Variants in XRCC4 observed in about 807,000 individuals in gnomAD.
XRCC4 encodes the protein DNA repair protein XRCC4.
In XRCC4, 28 loss-of-function variants were observed where a neutral mutation model predicts 39.1. The ratio of observed to expected loss-of-function variants is 0.72; its 90% CI spans 0.53 to 0.98. XRCC4 has a LOEUF of 0.98. XRCC4 is among the 50% of genes least tolerant of loss of function. The pLI is 0.00. For missense variants in XRCC4, 350 were observed against 376.4 expected (o/e 0.93, Z 0.58); for synonymous variants, 123 against 126.4 (o/e 0.97, Z 0.18).
chr5:83,176,996 T>C (rs1267378370), intron 3 of XRCC4, among the ~76,000 whole-genome samples: 2 of 152,156 alleles, frequency 1.3e-5, no homozygotes, highest in Non-Finnish European at 2.9e-5. Context: ...AAAATATTTG[T>C]TTCTTAATAT....
chr5:83,136,500 CT>C (rs1747905288), intron 3 of XRCC4, among the ~76,000 whole-genome samples: 1 of 152,056 alleles, frequency 6.6e-6, no homozygotes, highest in African/African-American at 2.4e-5. Flanking sequence ...TTTGGGTTTT[CT>C]TTTGACTATC....
intron 6 of XRCC4, among the ~76,000 whole-genome samples, chr5:83,244,706 G>C (rs1239169980): frequency 6.6e-6 from 1 of 152,024 alleles, no homozygotes; most frequent in Non-Finnish European, 1.5e-5. Context: ...GGTCTGCCTG[G>C]GCTCCACCTA....
chr5:83,235,014 T>C (rs1752633058), intron 6 of XRCC4, among the ~76,000 whole-genome samples: 2 of 151,400 alleles, frequency 1.3e-5, no homozygotes, highest in Non-Finnish European at 2.9e-5. Flanking sequence ...TTATTTTTAT[T>C]GATAGTGGCA....
intron 7 of XRCC4, among the ~76,000 whole-genome samples, chr5:83,314,185 T>C (rs1310101924): frequency 6.6e-6 from 1 of 152,166 alleles, no homozygotes; most frequent in African/African-American, 2.4e-5. Flanking sequence ...TAGGCACTAA[T>C]TTAAAAAAAT....
intron 7 of XRCC4, among the ~76,000 whole-genome samples, chr5:83,303,311 A>G (rs1489060424): frequency 6.6e-6 from 1 of 152,126 alleles, no homozygotes; most frequent in Non-Finnish European, 1.5e-5. Flanking sequence ...TAGCTGTAAA[A>G]TTAAGTGAAA....
the XRCC4 span, among the ~76,000 whole-genome samples, chr5:83,367,380 A>G: frequency 2.0e-3 from 300 of 152,308 alleles, 1 homozygote; most frequent in Middle Eastern, 0.01. Context: ...TAAATATTCA[A>G]AATAAAACCT....
At chr5:83,095,817 G>A (rs1745648514) in intron 1 of XRCC4, among the ~76,000 whole-genome samples, 1 of 152,106 alleles carries the variant, frequency 6.6e-6, no homozygotes, top group South Asian at 2.1e-4. Context: ...TCTGCTGTGG[G>A]ACAGGAGCTG....
intron 1 of XRCC4, among the ~76,000 whole-genome samples, chr5:83,078,165 A>T (rs1318510043): frequency 6.6e-6 from 1 of 152,250 alleles, no homozygotes; most frequent in Non-Finnish European, 1.5e-5. Context: ...TGGCAAGACA[A>T]ATGACAAGGC....
At chr5:83,342,713 T>C (rs920204564) in intron 7 of XRCC4, among the ~76,000 whole-genome samples, 1 of 152,174 alleles carries the variant, frequency 6.6e-6, no homozygotes, top group African/African-American at 2.4e-5. Context: ...CTTCAGTCTG[T>C]TAATTTATTT....
At chr5:83,374,123 C>A in the XRCC4 span, among the ~76,000 whole-genome samples, 1 of 152,242 alleles carries the variant, frequency 6.6e-6, no homozygotes, top group South Asian at 2.1e-4. Flanking sequence ...TGTAAGAGGA[C>A]CCAGAAGAGG....
intron 6 of XRCC4, among the ~76,000 whole-genome samples, chr5:83,248,172 A>G (rs1233011225): frequency 6.6e-6 from 1 of 152,210 alleles, no homozygotes; most frequent in Non-Finnish European, 1.5e-5. Context: ...ACCCAGGAGT[A>G]GAGTGAGAGA....
chr5:83,110,935 A>G, intron 2 of XRCC4, 93 bp from the exon 3 acceptor site: 37 of 1,166,422 alleles, frequency 3.2e-5, no homozygotes, highest in Non-Finnish European at 4.4e-5. Context: ...TTTCTGTTAC[A>G]TGTGATAAAT....
At position 83,248,078 on chromosome 5, in the gene XRCC4, A is replaced by G. The variant is rs534544768; in HGVS notation, c.746-10452A>G. 3.9e-3 allele frequency among the ~76,000 whole-genome samples: 600 copies of G among 151,970 alleles called. 2 individuals are homozygous for G. The highest frequency in any genetic ancestry group is 0.018 in the South Asian group (87 of 4,822). ...GAGACAAGGGTTGGTGAGAGTTACT[A>G]CTCTCACCAACTCAACTCTCAGTTG... On this transcript the variant is annotated intron_variant, in intron 6 of 7. Coordinates refer to ENST00000396027, the MANE Select transcript of XRCC4 (RefSeq NM_003401.5).
intron 7 of XRCC4, among the ~76,000 whole-genome samples, chr5:83,284,815 G>A (rs76006952): frequency 0.032 from 4,891 of 152,018 alleles, 227 homozygotes; most frequent in African/African-American, 0.11. Context: ...ACCTCTTAAA[G>A]TTTTAAGTTA....
chr5:83,159,478 T>G (rs1220817103), intron 3 of XRCC4, among the ~76,000 whole-genome samples: 2 of 152,088 alleles, frequency 1.3e-5, no homozygotes, highest in African/African-American at 4.8e-5. Flanking sequence ...TTTAGGAAAT[T>G]TGATGAATAT....
intron 7 of XRCC4, among the ~76,000 whole-genome samples, chr5:83,261,991 A>G (rs572128400): frequency 2.0e-5 from 3 of 152,266 alleles, no homozygotes; most frequent in Non-Finnish European, 4.4e-5. Flanking sequence ...CTATAAAACA[A>G]AATCATAATA....
intron 7 of XRCC4, among the ~76,000 whole-genome samples, chr5:83,304,105 A>T (rs1486741660): frequency 6.6e-6 from 1 of 152,114 alleles, no homozygotes; most frequent in East Asian, 1.9e-4. Context: ...CTGAAACTGT[A>T]AAAGTAATAC....
chr5:83,373,072 C>T, the XRCC4 span, among the ~76,000 whole-genome samples: 1 of 152,012 alleles, frequency 6.6e-6, no homozygotes, highest in East Asian at 1.9e-4. Context: ...CTTTTGAACA[C>T]TGATAGTCCT....
intron 3 of XRCC4, among the ~76,000 whole-genome samples, chr5:83,167,246 A>G (rs1218474250): frequency 4.0e-5 from 6 of 148,374 alleles, no homozygotes; most frequent in Admixed American, 4.0e-4. Context: ...TTTTTTTCAT[A>G]TGGTTGTTGT....
Sources: allele counts gnomAD v4.1 joint callset (sites outside exome capture counted in the v4.1 genomes callset), GRCh38; gene constraint gnomAD v4.1.1; transcripts MANE v1.5; gene names NCBI Gene and HGNC (gene_info 2026-07-23, HGNC 2026-07-21).